CD24: variants seen among roughly 807,000 people sequenced by gnomAD.
CD24 encodes signal transducer CD24.
A neutral mutation model predicts 3.6 loss-of-function variants in CD24; 2 were observed. The observed-to-expected ratio is 0.56, with a 90% CI of 0.23 to 1.77. The LOEUF (loss-of-function observed/expected upper bound fraction) is 1.77. Among genes scored for constraint, CD24 ranks in the 40% most tolerant of loss-of-function variants. The pLI, the probability that CD24 is intolerant of heterozygous loss-of-function variation, is 0.18. For missense variants in CD24, 62 were observed against 93.6 expected, an observed-to-expected ratio of 0.66 and a Z score of 1.39; for synonymous variants, 33 against 44.9, an observed-to-expected ratio of 0.74 and a Z score of 1.06.
Position 106,971,716 on chromosome 6 carries a change from T to G in CD24, c.188A>C (p.Gln63Pro). 1 of 1,546,920 alleles carries G rather than the reference T, an allele frequency of 6.5e-7. No individual in the cohort carries two copies. The highest frequency in any genetic ancestry group is 8.8e-7 in the Non-Finnish European group (1 of 1,142,846). ...ATTKAAGGAL[Q>P]STASLFVVSL... is the part of the protein sequence containing the mutation. ...GACCACGAAGAGACTGGCTGTTGAC[T>G]GCAGGGCACCACCAGCCGCCTTGGT... Residue 63 changes from glutamine to proline, a missense_variant, in exon 2 of 2, where the codon CAG becomes CCG. By Grantham distance (76) the Gln-to-Pro change is moderately conservative. Coordinates refer to ENST00000606017, the MANE Select transcript of CD24 (RefSeq NM_001359084.1).
chr6:106,974,030 G>A (rs1773040740), intron 1 of CD24: 3 of 397,572 alleles, frequency 7.5e-6, no homozygotes, highest in Non-Finnish European at 8.9e-6. Context: ...ACCGGGGTTT[G>A]TTTAAAAAGG....
rs1027901047 is a variant in CD24 at position 106,974,683 on chromosome 6, G to A, written c.-37C>T. 1.3e-5 allele frequency: 19 copies of A among 1,487,312 alleles called. No individual in the cohort carries two copies. Among genetic ancestry groups the A allele is most frequent in the Admixed American group, 4.6e-5 (2 of 43,108 alleles). 92.1% of individuals were successfully genotyped at this position (1,487,312 alleles called of 1,614,324 possible). A position where few individuals can be genotyped will look rare whatever the true frequency, so the allele number is the denominator to read the frequency against. On this transcript the variant is annotated 5_prime_UTR_variant, in exon 1 of 2. Coordinates refer to ENST00000606017, the MANE Select transcript of CD24 (RefSeq NM_001359084.1). ...CGGTGCGCGGCGCGTCTAGCAGGAT[G>A]CTGGGTGCTTGGAGAACCGCTGGCT... is the stretch of plus-strand genomic sequence containing the variant.
intron 1 of CD24, among the ~76,000 whole-genome samples, chr6:106,972,526 G>C (rs1772998353): frequency 6.6e-6 from 1 of 152,190 alleles, no homozygotes; most frequent in Non-Finnish European, 1.5e-5. Context: ...AAGACAACGA[G>C]AGGTTATGGT....
At chr6:106,975,880 G>A (rs1158007141), upstream of CD24, among the ~76,000 whole-genome samples, 1 of 152,244 alleles carries the variant, frequency 6.6e-6, no homozygotes, top group African/African-American at 2.4e-5. Context: ...AACCGTTCGA[G>A]ATAAAGGCAT....
chr6:106,969,963 G>C lies in CD24; in HGVS notation c.*1698C>G, dbSNP rs1316641983. ...TCCAAAATAGATGTACAGCATTCTG[G>C]AATAAAGCAAGAGTGTTCATTCACA... On this transcript the variant is annotated 3_prime_UTR_variant, in exon 2 of 2. Transcript: ENST00000606017. 1 of 149,000 alleles carries C rather than the reference G, an allele frequency of 6.7e-6. No homozygotes were observed. Among genetic ancestry groups the C allele is most frequent in the Non-Finnish European group, 1.5e-5 (1 of 66,414 alleles). The allele number at this position is 149,000 out of a possible 1,614,324, so 9.2% of individuals were successfully genotyped here.
At chr6:106,976,230 A>G (rs1773106567), upstream of CD24, among the ~76,000 whole-genome samples, 1 of 152,182 alleles carries the variant, frequency 6.6e-6, no homozygotes, top group South Asian at 2.1e-4. Context: ...TAATTGCAAG[A>G]CTTAATACTT....
chr6:106,972,387 G>C (rs1772995171), intron 1 of CD24, among the ~76,000 whole-genome samples: 1 of 152,152 alleles, frequency 6.6e-6, no homozygotes, highest in East Asian at 1.9e-4. Context: ...CTTCTCCCTT[G>C]AAATTTGAAA....
At chr6:106,974,336 C>CT (rs2114901322) in intron 1 of CD24, among the ~76,000 whole-genome samples, 1 of 152,314 alleles carries the variant, frequency 6.6e-6, no homozygotes, top group East Asian at 1.9e-4. Context: ...GCAGGGTCCT[C>CT]TCAGCCCGCA....
Position 106,971,585 on chromosome 6 carries a change from A to C in CD24, c.*76T>G. 8.2e-7 allele frequency: 1 copy of C among 1,224,786 alleles called. No homozygotes were observed. Among genetic ancestry groups the C allele is most frequent in the South Asian group, 1.4e-5 (1 of 71,374 alleles). 75.9% of individuals were successfully genotyped at this position (1,224,786 alleles called of 1,614,324 possible). A position where few individuals can be genotyped will look rare whatever the true frequency, so the allele number is the denominator to read the frequency against. ...ATGAAGACCTGTTTTTCCTTGCCAC[A>C]TTGGACTTCCAGACGCCATTTGGAT... On this transcript the variant is annotated 3_prime_UTR_variant, in exon 2 of 2. Transcript: ENST00000606017.
rs1772972059 is a variant in CD24 at position 106,971,534 on chromosome 6, T to C, written c.*127A>G. On this transcript the variant is annotated 3_prime_UTR_variant, in exon 2 of 2. Coordinates refer to ENST00000606017, the MANE Select transcript of CD24 (RefSeq NM_001359084.1). ...GGATTCTCAACATTTTCTGTGTCAA[T>C]AAAAGGTGTGGAATTAGTAGATTCG... 2 of 675,000 alleles carry C rather than the reference T, an allele frequency of 3.0e-6. No homozygotes were observed. Among genetic ancestry groups the C allele is most frequent in the East Asian group, 2.8e-5 (1 of 36,296 alleles). The allele number at this position is 675,000 out of a possible 1,614,324, so 41.8% of individuals were successfully genotyped here. A position where few individuals can be genotyped will look rare whatever the true frequency, so the allele number is the denominator to read the frequency against.
chr6:106,974,870 GCGCCCC>G, upstream of CD24: 1 of 201,054 alleles, frequency 5.0e-6, no homozygotes, highest in Non-Finnish European at 9.6e-6. Context: ...GGGTTCCCCA[GCGCCCC>G]CGCCGCCGCC....
chr6:106,973,523 G>A, intron 1 of CD24: 1 of 397,326 alleles, frequency 2.5e-6, no homozygotes, highest in East Asian at 3.6e-5. Flanking sequence ...AGGTGAGCCC[G>A]GACTTTCGAT....
intron 1 of CD24, among the ~76,000 whole-genome samples, chr6:106,972,579 T>C: frequency 6.6e-6 from 1 of 152,080 alleles, no homozygotes; most frequent in Non-Finnish European, 1.5e-5. Context: ...GCCAAGCTCA[T>C]TGCTGTGGCC....
intron 1 of CD24, among the ~76,000 whole-genome samples, chr6:106,974,254 C>T (rs1773047574): frequency 6.6e-6 from 1 of 152,316 alleles, no homozygotes; most frequent in South Asian, 2.1e-4. Context: ...GCAGGCACCT[C>T]GGGCCTCTGG....
In CD24 at chr6:106,971,626, G is replaced by C. The variant is rs1772974562; in HGVS notation, c.*35C>G. ...CCATTTGGATTGGGTTTAGAAGATG[G>C]GGAAATTTAGAAGACGTTTCTTGGC... On this transcript the variant is annotated 3_prime_UTR_variant, in exon 2 of 2. Transcript: ENST00000606017. 2.0e-5 allele frequency: 30 copies of C among 1,538,064 alleles called. No homozygotes were observed. The Middle Eastern group carries it at 8.9e-4, about 46-fold the overall frequency.
chr6:106,975,473 C>A (rs1181034644), upstream of CD24: 1 of 152,090 alleles, frequency 6.6e-6, no homozygotes, highest in East Asian at 1.9e-4. Flanking sequence ...CGCTCGGCCC[C>A]GCGGCCGCGC....
chr6:106,976,580 A>G (rs1773110807), upstream of CD24, among the ~76,000 whole-genome samples: 1 of 152,178 alleles, frequency 6.6e-6, no homozygotes, highest in Non-Finnish European at 1.5e-5. Flanking sequence ...GTGGTGGCTC[A>G]CACCTATAAT....
chr6:106,974,042 C>G (rs1773041081), intron 1 of CD24: 2 of 397,478 alleles, frequency 5.0e-6, no homozygotes, highest in East Asian at 3.6e-5. Flanking sequence ...TTAAAAAGGG[C>G]CAGATAGCCG....
At chr6:106,972,216 C>T (rs1772989984) in intron 1 of CD24, among the ~76,000 whole-genome samples, 1 of 152,018 alleles carries the variant, frequency 6.6e-6, no homozygotes, top group Admixed American at 6.6e-5. Context: ...TTTAAAGTTG[C>T]ACAAAAAAAT....
Sources: allele counts gnomAD v4.1 joint callset (sites outside exome capture counted in the v4.1 genomes callset), GRCh38; gene constraint gnomAD v4.1.1; transcripts MANE v1.5; gene names NCBI Gene and HGNC (gene_info 2026-07-23, HGNC 2026-07-21).